NAALADL2: variants seen among roughly 807,000 people sequenced by gnomAD.
The protein encoded by NAALADL2 is N-acetylated alpha-linked acidic dipeptidase like 2.
In NAALADL2, 76 loss-of-function variants were observed where a neutral mutation model predicts 87.2. That is an observed-to-expected ratio of 0.87 (90% CI 0.72 to 1.05). The LOEUF is 1.05. NAALADL2 is among the 50% of genes least tolerant of loss of function. The probability of loss-of-function intolerance (pLI) is 0.00; values close to 1 mark genes in which losing one functional copy is unlikely to be tolerated. For missense variants in NAALADL2, 1,089 were observed against 945.8 expected (o/e 1.15, Z -1.99); for synonymous variants, 354 against 331.0 (o/e 1.07, Z -0.75).
rs143384708 is a variant in NAALADL2 at position 174,903,952 on chromosome 3, A to AATATCT, written c.43+44529_43+44534dup. 9.7e-3 allele frequency among the ~76,000 whole-genome samples: 1,467 copies of AATATCT among 150,490 alleles called. 10 individuals carry two copies. The highest frequency in any genetic ancestry group is 0.027 in the Middle Eastern group (8 of 294). On this transcript the variant is annotated intron_variant, in intron 1 of 13. Transcript: ENST00000454872. ...GATATTCTTCGCAGGGCCAGAAAGG[A>AATATCT]ATATCTATATCTATATCTATATCTA...
rs145751827 is a variant in NAALADL2, at chr3:175,456,539, C to T, written c.1235-6862C>T. Among the ~76,000 whole-genome samples, 208 of 152,120 alleles carry T rather than the reference C, an allele frequency of 1.4e-3. 2 individuals carry two copies. The highest frequency in any genetic ancestry group is 2.4e-3 in the Non-Finnish European group (160 of 67,964). ...GTTCTCCAGGAGTTTCTAATTACAA[C>T]TTTCAACGGTGAATTTTTTTTAAAT... On this transcript the variant is annotated intron_variant, in intron 6 of 13. Transcript: ENST00000454872.
At chr3:174,884,227 C>T (rs1232444789) in intron 1 of NAALADL2, among the ~76,000 whole-genome samples, 2 of 152,146 alleles carry the variant, frequency 1.3e-5, no homozygotes, top group African/African-American at 4.8e-5. Context: ...TCCACTGCCA[C>T]TCCTTGATTC....
rs1745447891 is a variant in NAALADL2 at position 175,234,197 on chromosome 3, C to T, written c.812C>T (p.Thr271Ile). The change falls in exon 3 of 14, where the codon ACT (threonine) becomes ATT (isoleucine). Residue 271 changes from threonine (T) to isoleucine (I), a missense_variant. Transcript: ENST00000454872. ...TATGCAGCCTATTCTGCCAAAGGAA[C>T]TCTCAAGGTAATATGACCATTTGTC... ...YSYAAYSAKGTLKAEVIDVSY... is the reference protein window; with the variant it reads ...YSYAAYSAKGILKAEVIDVSY... 2 of 1,613,230 alleles carry T rather than the reference C, an allele frequency of 1.2e-6. No individual in the cohort carries two copies. The highest frequency in any genetic ancestry group is 2.2e-5 in the East Asian group (1 of 44,870).
intron 9 of NAALADL2, among the ~76,000 whole-genome samples, chr3:175,548,490 C>A (rs1646768743): frequency 6.6e-6 from 1 of 151,966 alleles, no homozygotes; most frequent in South Asian, 2.1e-4. Flanking sequence ...ATCTGTACAG[C>A]AAACCACCAT....
At chr3:174,930,356 T>C (rs1021073410) in intron 1 of NAALADL2, among the ~76,000 whole-genome samples, 3 of 152,072 alleles carry the variant, frequency 2.0e-5, no homozygotes, top group African/African-American at 4.8e-5. Context: ...GCTACATGTA[T>C]GGACTTTAAC....
chr3:175,223,019 G>C (rs1221849604), intron 2 of NAALADL2, among the ~76,000 whole-genome samples: 1 of 151,438 alleles, frequency 6.6e-6, no homozygotes, highest in Non-Finnish European at 1.5e-5. Flanking sequence ...GCAACATAAT[G>C]ATTTCATATA....
At chr3:175,497,450 AT>A (rs1416469088) in intron 9 of NAALADL2, among the ~76,000 whole-genome samples, 1 of 152,124 alleles carries the variant, frequency 6.6e-6, no homozygotes, top group Non-Finnish European at 1.5e-5. Context: ...CTCTACCACA[AT>A]TTTTTCTTCA....
chr3:175,288,856 T>A (rs920419376), intron 4 of NAALADL2, among the ~76,000 whole-genome samples: 3 of 152,140 alleles, frequency 2.0e-5, no homozygotes, highest in African/African-American at 7.2e-5. Context: ...CATCAAACAT[T>A]TGAACTCTGG....
chr3:174,486,573 C>T (rs978064060), intron 1 of NAALADL2, among the ~76,000 whole-genome samples: 2 of 151,936 alleles, frequency 1.3e-5, no homozygotes, highest in Admixed American at 6.6e-5. Flanking sequence ...TCTTTCTCTC[C>T]GCTTTTGGGG....
At chr3:175,105,462 T>G (rs890422241) in intron 2 of NAALADL2, among the ~76,000 whole-genome samples, 5 of 148,442 alleles carry the variant, frequency 3.4e-5, no homozygotes, top group Non-Finnish European at 7.4e-5. Flanking sequence ...ATATATATGA[T>G]TCACATATAT....
At chr3:174,483,706 C>A (rs750411674) in intron 1 of NAALADL2, among the ~76,000 whole-genome samples, 9 of 151,914 alleles carry the variant, frequency 5.9e-5, no homozygotes, top group Non-Finnish European at 1.3e-4. Flanking sequence ...TAAATCTTAA[C>A]TCGAATACTT....
intron 5 of NAALADL2, among the ~76,000 whole-genome samples, chr3:175,358,911 G>A (rs925264724): frequency 6.6e-6 from 1 of 152,074 alleles, no homozygotes; most frequent in African/African-American, 2.4e-5. Context: ...GAGAGAATTA[G>A]CCCCACAGCT....
At chr3:174,508,613 T>C (rs1420756042) in intron 1 of NAALADL2, among the ~76,000 whole-genome samples, 1 of 152,160 alleles carries the variant, frequency 6.6e-6, no homozygotes, top group Non-Finnish European at 1.5e-5. Flanking sequence ...AAAGACTCAG[T>C]TGTTGTCTTT....
chr3:175,270,829 T>A lies in NAALADL2; in HGVS notation c.939+14299T>A, dbSNP rs77421841. Among the ~76,000 whole-genome samples, 456 of 152,280 alleles carry A rather than the reference T, an allele frequency of 3.0e-3. 4 individuals carry two copies. The highest frequency in any genetic ancestry group is 0.024 in the Middle Eastern group (7 of 294). On this transcript the variant is annotated intron_variant, in intron 4 of 13. Transcript: ENST00000454872. Reference sequence around the variant, plus strand: ...CCTCTGTAAACCTCTTCCAGTATAGTACTGATTTTACTGTGCTGTCAACAA... The same window carrying A: ...CCTCTGTAAACCTCTTCCAGTATAGAACTGATTTTACTGTGCTGTCAACAA...
At chr3:174,740,171 T>C (rs1326156471) in intron 3 of NAALADL2, among the ~76,000 whole-genome samples, 1 of 151,636 alleles carries the variant, frequency 6.6e-6, no homozygotes, top group Non-Finnish European at 1.5e-5. Flanking sequence ...AAACCTAATT[T>C]TTTAAAAAAA....
intron 5 of NAALADL2, among the ~76,000 whole-genome samples, chr3:175,436,280 T>G (rs891106458): frequency 6.8e-6 from 1 of 147,554 alleles, no homozygotes; most frequent in Non-Finnish European, 1.5e-5. Flanking sequence ...TTCCAAGTCT[T>G]TGCTATTGTG....
At chr3:174,776,191 A>G (rs1268466780) in intron 3 of NAALADL2, among the ~76,000 whole-genome samples, 1 of 152,146 alleles carries the variant, frequency 6.6e-6, no homozygotes, top group East Asian at 1.9e-4. Flanking sequence ...CTCTTTTGGC[A>G]TGCAATAAAA....
At chr3:174,467,393 G>C (rs533677478) in intron 1 of NAALADL2, among the ~76,000 whole-genome samples, 2 of 152,068 alleles carry the variant, frequency 1.3e-5, no homozygotes, top group East Asian at 3.9e-4. Flanking sequence ...AGGAATTTGA[G>C]ACCAGCCTGG....
intron 3 of NAALADL2, among the ~76,000 whole-genome samples, chr3:174,798,817 C>A (rs1205053950): frequency 6.6e-6 from 1 of 151,682 alleles, no homozygotes; most frequent in African/African-American, 2.4e-5. Context: ...TCTAATAGTT[C>A]TTTAGTGGAT....
Sources: gnomAD v4.1 joint callset for allele counts (sites outside exome capture counted in the v4.1 genomes callset) on GRCh38, gnomAD v4.1.1 for gene constraint, MANE v1.5 for transcripts, NCBI Gene and HGNC (gene_info 2026-07-23, HGNC 2026-07-21) for gene names.